Variants in ABCC1 observed in about 807,000 individuals in gnomAD.
ABCC1 encodes multidrug resistance-associated protein 1.
In ABCC1, 83 loss-of-function variants were observed where a neutral mutation model predicts 172.9. That is an observed-to-expected ratio of 0.48 (90% confidence interval 0.40 to 0.58). The LOEUF (loss-of-function observed/expected upper bound fraction) is 0.58, where lower values mean the gene tolerates loss of function less well. ABCC1 is among the 20% of genes least tolerant of loss of function. ABCC1 has a pLI of 0.00. For synonymous variants in ABCC1, 937 were observed against 825.2 expected (o/e 1.14, Z -2.32); for missense variants, 1,817 against 2,002.7 (o/e 0.91, Z 1.77).
chr16:15,988,029 A>C (rs152260), intron 1 of ABCC1, among the ~76,000 whole-genome samples: 130,259 of 152,154 alleles, frequency 0.86, 55,939 homozygotes, highest in African/African-American at 0.88. Flanking sequence ...GTGATCGCAG[A>C]TCACTGCAAC....
intron 1 of ABCC1, among the ~76,000 whole-genome samples, chr16:15,996,871 G>A (rs897882668): frequency 2.6e-5 from 4 of 152,114 alleles, no homozygotes; most frequent in Admixed American, 6.6e-5. Flanking sequence ...AATGCCTAGT[G>A]CCTTAGTCAT....
intron 5 of ABCC1, among the ~76,000 whole-genome samples, chr16:16,028,571 G>A (rs1291761341): frequency 6.6e-6 from 1 of 152,138 alleles, no homozygotes; most frequent in East Asian, 1.9e-4. Context: ...GACTGTGGGA[G>A]TGGGCAGGAA....
chr16:16,132,362 G>A (rs771932765), intron 27 of ABCC1, among the ~76,000 whole-genome samples: 1 of 150,582 alleles, frequency 6.6e-6, no homozygotes, highest in Admixed American at 6.6e-5. Flanking sequence ...TTGTAGAGAT[G>A]GGGGTCCTAC....
At chr16:16,132,021 C>T (rs972539052) in intron 27 of ABCC1, 86 bp downstream of exon 27, 9 of 1,517,476 alleles carry the variant, frequency 5.9e-6, no homozygotes, top group Non-Finnish European at 8.1e-6. Context: ...GCAGCGTCTC[C>T]CCAGTCACTC....
At chr16:16,093,741 C>T (rs2051347341) in intron 19 of ABCC1, among the ~76,000 whole-genome samples, 1 of 152,130 alleles carries the variant, frequency 6.6e-6, no homozygotes, top group African/African-American at 2.4e-5. Context: ...TTTGTTTAAA[C>T]CACATTTTTG....
intron 1 of ABCC1, among the ~76,000 whole-genome samples, chr16:15,950,791 A>G (rs1392066577): frequency 2.0e-5 from 3 of 152,072 alleles, no homozygotes; most frequent in Non-Finnish European, 4.4e-5. Flanking sequence ...CAGGAGAAAC[A>G]GCCTTGGTTC....
chr16:16,015,148 T>G (rs1296872632), intron 4 of ABCC1, among the ~76,000 whole-genome samples: 2 of 151,170 alleles, frequency 1.3e-5, no homozygotes, highest in African/African-American at 4.9e-5. Context: ...TTTTTTTTTT[T>G]TGCTGTTGTT....
At chr16:15,990,344 G>A (rs948890096) in intron 1 of ABCC1, among the ~76,000 whole-genome samples, 5 of 152,142 alleles carry the variant, frequency 3.3e-5, no homozygotes, top group African/African-American at 1.2e-4. Flanking sequence ...ATCACACCCG[G>A]CCATCAGCAA....
chr16:16,026,209 A>T (rs984462707), intron 5 of ABCC1, among the ~76,000 whole-genome samples: 1 of 151,890 alleles, frequency 6.6e-6, no homozygotes, highest in Non-Finnish European at 1.5e-5. Flanking sequence ...AGGTGGGTGG[A>T]TCGCTTGAGG....
At chr16:16,096,224 C>T (rs955639936) in intron 19 of ABCC1, among the ~76,000 whole-genome samples, 4 of 103,116 alleles carry the variant, frequency 3.9e-5, no homozygotes, top group African/African-American at 1.3e-4. Flanking sequence ...GCGAGACTGT[C>T]TCAAAAAAAA....
chr16:16,009,704 A>G, intron 2 of ABCC1, 72 bp from the exon 3 acceptor site: 1 of 1,459,560 alleles, frequency 6.9e-7, no homozygotes, highest in South Asian at 1.4e-5. Context: ...CCTGGGGCTG[A>G]GCTGTTCGTG....
At chr16:16,092,196 C>T (rs1421880695) in intron 19 of ABCC1, among the ~76,000 whole-genome samples, 1 of 152,198 alleles carries the variant, frequency 6.6e-6, no homozygotes, top group Admixed American at 6.5e-5. Flanking sequence ...CGAGATCGTG[C>T]CACTACACTC....
chr16:16,107,638 C>A (rs1046583054), intron 21 of ABCC1, among the ~76,000 whole-genome samples: 1 of 152,068 alleles, frequency 6.6e-6, no homozygotes, highest in Non-Finnish European at 1.5e-5. Context: ...TGAGAAAGTC[C>A]CAGTTGGGTC....
intron 1 of ABCC1, among the ~76,000 whole-genome samples, chr16:16,005,665 TTATGC>T (rs201127269): frequency 0.021 from 3,165 of 152,228 alleles, 100 homozygotes; most frequent in African/African-American, 0.072. Context: ...ATTTTTAAAG[TTATGC>T]CAGAGACCGG....
rs368792632 is a variant in ABCC1 at position 16,048,297 on chromosome 16, G to A, written c.1374G>A (p.Leu458=). 3.1e-6 allele frequency: 5 copies of A among 1,614,058 alleles called. No individual in the cohort carries two copies. The highest frequency in any genetic ancestry group is 4.2e-6 in the Non-Finnish European group (5 of 1,179,948). The part of the protein sequence containing the change: ...PLQVILALYL[L]WLNLGPSVLA... Reference sequence around the variant, plus strand: ...AAGTCATCCTTGCTCTCTACCTCCTGTGGCTGGTGTGTGTTTAACGCCGTT... The same window carrying A: ...AAGTCATCCTTGCTCTCTACCTCCTATGGCTGGTGTGTGTTTAACGCCGTT... Residue 458 remains leucine (L), a synonymous_variant, in exon 10 of 31, where the codon CTG becomes CTA. Transcript: ENST00000399410.
chr16:15,995,532 G>C (rs1450249329), intron 1 of ABCC1, among the ~76,000 whole-genome samples: 1 of 149,682 alleles, frequency 6.7e-6, no homozygotes, highest in Non-Finnish European at 1.5e-5. Context: ...TTTAGCTGTT[G>C]GTAGTTTTGG....
Position 16,114,755 on chromosome 16 carries a change from A to G in ABCC1, c.3080-11A>G. 1 of 1,580,018 alleles carries G rather than the reference A, an allele frequency of 6.3e-7. No homozygotes were observed. Among genetic ancestry groups the G allele is most frequent in the Non-Finnish European group, 8.6e-7 (1 of 1,156,958 alleles). On this transcript the variant is annotated splice_polypyrimidine_tract_variant and intron_variant, in intron 22 of 30. Transcript: ENST00000399410. ...TCTGCATTGTGGAGTTTTAACTCCG[A>G]GTGTCTGCAGGGATCGCCGTGTTTG... is the stretch of plus-strand genomic sequence containing the variant.
At chr16:16,045,451 G>T (rs570443292) in intron 8 of ABCC1, among the ~76,000 whole-genome samples, 4 of 150,518 alleles carry the variant, frequency 2.7e-5, no homozygotes, top group Non-Finnish European at 5.9e-5. Flanking sequence ...CTGCAACCAG[G>T]AACTGGGGAG....
intron 23 of ABCC1, among the ~76,000 whole-genome samples, chr16:16,116,167 G>A (rs2044855791): frequency 6.6e-6 from 1 of 151,934 alleles, no homozygotes; most frequent in South Asian, 2.1e-4. Context: ...GCCTCCCAAA[G>A]TGCTGGGATT....
Sources: gnomAD v4.1 joint callset for allele counts (sites outside exome capture counted in the v4.1 genomes callset) on GRCh38, gnomAD v4.1.1 for gene constraint, MANE v1.5 for transcripts, NCBI Gene and HGNC (gene_info 2026-07-23, HGNC 2026-07-21) for gene names.